Variants in DOCK1 observed in about 807,000 individuals in gnomAD.
DOCK1 encodes dedicator of cytokinesis 1, also known as dedicator of cytokinesis protein 1.
DOCK1 carries 138 observed loss-of-function variants against 262.7 expected under a neutral mutation model. That is an observed-to-expected ratio of 0.53 (90% CI 0.46 to 0.61). The LOEUF (loss-of-function observed/expected upper bound fraction) is 0.61. Among genes scored for constraint, DOCK1 ranks in the 20% least tolerant of loss-of-function variants. DOCK1 has a pLI of 0.00. For missense variants in DOCK1, 1,908 were observed against 2,370.7 expected (o/e 0.80, Z 4.05); for synonymous variants, 866 against 867.4 (o/e 1.00, Z 0.03).
In DOCK1 at chr10:126,970,804, A is replaced by T; in HGVS notation, c.130+19A>T. 6.2e-7 allele frequency: 1 copy of T among 1,608,804 alleles called. No homozygotes were observed. The highest frequency in any genetic ancestry group is 8.5e-7 in the Non-Finnish European group (1 of 1,176,640). The stretch of plus-strand genomic sequence containing the variant: ...TATGAAGGTGCGTATGCATCTTGGT[A>T]TCTTTTCTCTTACATTTTGGGCAGA... On this transcript the variant is annotated intron_variant, in intron 2 of 51. Transcript: ENST00000623213.
intron 1 of DOCK1, among the ~76,000 whole-genome samples, chr10:126,956,884 T>TG (rs1472267835): frequency 1.3e-5 from 2 of 151,918 alleles, no homozygotes; most frequent in African/African-American, 4.8e-5. Context: ...GCCTGAGCAG[T>TG]GGGGGGCCAC....
intron 27 of DOCK1, chr10:127,138,115 G>T: frequency 1.0e-5 from 11 of 1,066,180 alleles, no homozygotes; most frequent in Non-Finnish European, 1.5e-5. Flanking sequence ...ATCAGTGTGT[G>T]TTTGTAATGT....
chr10:127,091,215 C>G (rs2047511638), intron 23 of DOCK1, among the ~76,000 whole-genome samples: 1 of 152,128 alleles, frequency 6.6e-6, no homozygotes, highest in Non-Finnish European at 1.5e-5. Context: ...GATCTCCTGA[C>G]CTCGCGATCC....
At chr10:127,053,441 A>G (rs910377695) in intron 22 of DOCK1, among the ~76,000 whole-genome samples, 12 of 152,246 alleles carry the variant, frequency 7.9e-5, no homozygotes, top group African/African-American at 1.9e-4. Context: ...TCTTTTCCTC[A>G]GTAGAGTGAT....
At chr10:127,151,564 A>C (rs1398943550) in intron 27 of DOCK1, among the ~76,000 whole-genome samples, 1 of 152,176 alleles carries the variant, frequency 6.6e-6, no homozygotes, top group Non-Finnish European at 1.5e-5. Flanking sequence ...TAAGGGGGTG[A>C]CAGTCGGGTC....
chr10:127,039,167 C>T (rs946988669), intron 19 of DOCK1, among the ~76,000 whole-genome samples: 1 of 152,214 alleles, frequency 6.6e-6, no homozygotes, highest in Non-Finnish European at 1.5e-5. Context: ...CATATACTCA[C>T]TAATCTTAAA....
chr10:126,931,498 C>T (rs1340254689), intron 1 of DOCK1, among the ~76,000 whole-genome samples: 1 of 151,744 alleles, frequency 6.6e-6, no homozygotes, highest in Non-Finnish European at 1.5e-5. Flanking sequence ...GAGCTGAGCA[C>T]AGGGAACACA....
chr10:127,275,239 G>C (rs1342404076), intron 29 of DOCK1, among the ~76,000 whole-genome samples: 1 of 151,810 alleles, frequency 6.6e-6, no homozygotes, highest in Non-Finnish European at 1.5e-5. Context: ...AAGAGCAGGA[G>C]TCAGTAATAG....
At chr10:127,245,125 T>C (rs960372270) in intron 27 of DOCK1, among the ~76,000 whole-genome samples, 5 of 152,310 alleles carry the variant, frequency 3.3e-5, no homozygotes, top group Admixed American at 2.0e-4. Flanking sequence ...TAAGGCTTCA[T>C]GGTATCTGCA....
At chr10:127,249,247 T>C (rs916995144) in intron 28 of DOCK1, among the ~76,000 whole-genome samples, 6 of 152,122 alleles carry the variant, frequency 3.9e-5, no homozygotes, top group African/African-American at 1.4e-4. Context: ...AATTTTCTTA[T>C]TGTTGCCACT....
intron 29 of DOCK1, among the ~76,000 whole-genome samples, chr10:127,302,056 C>T (rs1219655656): frequency 1.3e-5 from 2 of 152,016 alleles, no homozygotes; most frequent in African/African-American, 4.8e-5. Context: ...GCATGGCCCT[C>T]TGTGGCCAGC....
intron 46 of DOCK1, among the ~76,000 whole-genome samples, chr10:127,425,190 G>A (rs2068740583): frequency 1.3e-5 from 2 of 152,168 alleles, no homozygotes; most frequent in Admixed American, 1.3e-4. Flanking sequence ...AAGCCCTGGG[G>A]GGAAGCAGAG....
At chr10:127,336,604 A>G (rs1438524671) in intron 29 of DOCK1, among the ~76,000 whole-genome samples, 4 of 151,228 alleles carry the variant, frequency 2.6e-5, no homozygotes, top group African/African-American at 4.9e-5. Flanking sequence ...CAGTGGCGCA[A>G]TCCTGGCTCA....
intron 4 of DOCK1, among the ~76,000 whole-genome samples, chr10:126,985,272 C>T (rs1262846253): frequency 3.3e-5 from 5 of 152,292 alleles, no homozygotes; most frequent in East Asian, 1.9e-4. Flanking sequence ...TGAGCCACCG[C>T]GTGGAGCCCC....
chr10:127,174,852 C>A (rs757719321), intron 27 of DOCK1, among the ~76,000 whole-genome samples: 7 of 152,174 alleles, frequency 4.6e-5, no homozygotes, highest in Admixed American at 4.6e-4. Context: ...TCCTGATTCT[C>A]TTCTTATTTA....
At chr10:126,911,279 G>A (rs1564977268) in intron 1 of DOCK1, among the ~76,000 whole-genome samples, 1 of 152,162 alleles carries the variant, frequency 6.6e-6, no homozygotes, top group African/African-American at 2.4e-5. Context: ...ATTTGCCTTG[G>A]TTTCATTTGG....
chr10:127,365,676 G>A (rs2064866634), intron 33 of DOCK1, among the ~76,000 whole-genome samples: 1 of 152,168 alleles, frequency 6.6e-6, no homozygotes, highest in South Asian at 2.1e-4. Context: ...AGGGCAGTTA[G>A]AATAAAGAAG....
intron 5 of DOCK1, 105 bp downstream of exon 5, chr10:126,987,722 A>T: frequency 9.8e-7 from 1 of 1,022,246 alleles, no homozygotes; most frequent in African/African-American, 1.6e-5. Context: ...ACTTAAAAGC[A>T]GAGCTTCCGA....
rs1219429703 is a variant in DOCK1 at position 127,008,746 on chromosome 10, G to A, written c.1000G>A (p.Asp334Asn). ...TTTGTCTCCAGTGATGGATGTAACA[G>A]ATATAATAAATGGAAAAGTAGATGA... ...PFGVAVMDVT[D>N]IINGKVDDED... The change falls in exon 11 of 52, where the codon GAT becomes AAT. Residue 334 changes from aspartate (D) to asparagine (N), a missense_variant. Asp to Asn is a conservative substitution (Grantham distance 23). Coordinates refer to ENST00000623213, the MANE Select transcript of DOCK1 (RefSeq NM_001290223.2). The A allele has an allele frequency of 6.3e-7, 1 of 1,595,144 alleles. No individual in the cohort carries two copies. Among genetic ancestry groups the A allele is most frequent in the Non-Finnish European group, 8.5e-7 (1 of 1,169,996 alleles).
Sources: gnomAD v4.1 joint callset for allele counts (sites outside exome capture counted in the v4.1 genomes callset) on GRCh38, gnomAD v4.1.1 for gene constraint, MANE v1.5 for transcripts, NCBI Gene and HGNC (gene_info 2026-07-23, HGNC 2026-07-21) for gene names.